The following SLC8A1 variants were observed in gnomAD, a reference collection of about 807,000 sequenced individuals.
SLC8A1 encodes sodium/calcium exchanger 1.
SLC8A1 carries 18 observed loss-of-function variants against 68.3 expected under a neutral mutation model. The ratio of observed to expected loss-of-function variants is 0.26; its 90% CI spans 0.18 to 0.39. The LOEUF (loss-of-function observed/expected upper bound fraction) is 0.39, where lower values mean the gene tolerates loss of function less well. Among genes scored for constraint, SLC8A1 ranks in the 10% least tolerant of loss-of-function variants. SLC8A1 has a pLI of 1.00. For missense variants in SLC8A1, 985 were observed against 1,156.7 expected (o/e 0.85, Z 2.15); for synonymous variants, 475 against 415.5 (o/e 1.14, Z -1.74).
chr2:40,328,512 A>C (rs941211927), intron 2 of SLC8A1, among the ~76,000 whole-genome samples: 33 of 152,242 alleles, frequency 2.2e-4, no homozygotes, highest in Middle Eastern at 6.8e-3. Context: ...CTGATGACTT[A>C]GCTCTTGTCA....
chr2:40,104,536 A>G (rs1382471605), exon 8 of SLC8A1: 1 of 152,188 alleles, frequency 6.6e-6, no homozygotes, highest in Non-Finnish European at 1.5e-5. Context: ...ATAGGTTTCA[A>G]AATGGCCCCA....
chr2:40,382,085 C>A (rs911683527), intron 2 of SLC8A1, among the ~76,000 whole-genome samples: 10 of 152,014 alleles, frequency 6.6e-5, no homozygotes, highest in African/African-American at 2.4e-4. Flanking sequence ...CTAACCAGAA[C>A]CCCTGGCATT....
At chr2:40,259,276 T>C (rs1290647353) in intron 2 of SLC8A1, among the ~76,000 whole-genome samples, 2 of 152,332 alleles carry the variant, frequency 1.3e-5, no homozygotes, top group South Asian at 4.1e-4. Flanking sequence ...TTACAAATAC[T>C]TGGCTGCTGA....
At chr2:40,482,952 G>A (rs1002373856) in intron 1 of SLC8A1, among the ~76,000 whole-genome samples, 3 of 146,644 alleles carry the variant, frequency 2.0e-5, no homozygotes, top group Non-Finnish European at 3.0e-5. Context: ...CACCACGCCC[G>A]GCTTTTTTTT....
At chr2:40,464,561 C>G (rs760543990) in intron 1 of SLC8A1, among the ~76,000 whole-genome samples, 1 of 152,194 alleles carries the variant, frequency 6.6e-6, no homozygotes, top group East Asian at 1.9e-4. Flanking sequence ...GTTTCCCAAT[C>G]TTAGCTTCCA....
chr2:40,222,147 G>T (rs888928314), intron 2 of SLC8A1, among the ~76,000 whole-genome samples: 1 of 152,092 alleles, frequency 6.6e-6, no homozygotes, highest in African/African-American at 2.4e-5. Context: ...AACAAAAACA[G>T]CATGGTACTG....
At chr2:40,117,439 C>T (rs1039457891) in intron 7 of SLC8A1, among the ~76,000 whole-genome samples, 9 of 145,068 alleles carry the variant, frequency 6.2e-5, no homozygotes, top group Non-Finnish European at 1.3e-4. Context: ...GTGGTACACA[C>T]CTGTAATCCC....
chr2:40,165,912 A>G (rs2046473963), intron 4 of SLC8A1, among the ~76,000 whole-genome samples: 1 of 152,192 alleles, frequency 6.6e-6, no homozygotes, highest in African/African-American at 2.4e-5. Context: ...CTTATCCTTT[A>G]GGCCCAGAAT....
intron 4 of SLC8A1, among the ~76,000 whole-genome samples, chr2:40,167,270 G>T (rs996821477): frequency 2.0e-5 from 3 of 152,176 alleles, no homozygotes; most frequent in Admixed American, 6.5e-5. Context: ...TACCTTTTAA[G>T]ATAGGTAGTC....
At chr2:40,369,381 C>T (rs1188693919) in intron 2 of SLC8A1, among the ~76,000 whole-genome samples, 9 of 151,996 alleles carry the variant, frequency 5.9e-5, no homozygotes, top group South Asian at 2.1e-4. Context: ...AAACCATTAG[C>T]GGAATACATA....
chr2:40,296,440 A>G (rs1037004659), intron 2 of SLC8A1, among the ~76,000 whole-genome samples: 1 of 152,218 alleles, frequency 6.6e-6, no homozygotes, highest in African/African-American at 2.4e-5. Context: ...TCTATATAGA[A>G]GGCTAAAAAC....
chr2:40,122,184 T>C (rs1206828770), intron 7 of SLC8A1, among the ~76,000 whole-genome samples: 1 of 150,988 alleles, frequency 6.6e-6, no homozygotes, highest in Non-Finnish European at 1.5e-5. Flanking sequence ...TCTCTTTCTC[T>C]CTCACAAGTG....
At chr2:40,103,226 T>C (rs974545243) in exon 8 of SLC8A1, 1 of 152,226 alleles carries the variant, frequency 6.6e-6, no homozygotes, top group African/African-American at 2.4e-5. Flanking sequence ...CAGAGTTCAC[T>C]ATGGTTGCTT....
At chr2:40,273,515 GA>G (rs1027224505) in intron 2 of SLC8A1, among the ~76,000 whole-genome samples, 2 of 152,186 alleles carry the variant, frequency 1.3e-5, no homozygotes, top group Non-Finnish European at 2.9e-5. Flanking sequence ...TAATTTGGGA[GA>G]AAAAAGCTTG....
At chr2:40,427,116 C>T (rs963983355) in intron 2 of SLC8A1, among the ~76,000 whole-genome samples, 3 of 152,034 alleles carry the variant, frequency 2.0e-5, no homozygotes, top group Non-Finnish European at 4.4e-5. Flanking sequence ...CTACAAACAT[C>T]AGAAGATGGA....
At chr2:40,238,135 A>C (rs1332768886) in intron 2 of SLC8A1, among the ~76,000 whole-genome samples, 1 of 152,222 alleles carries the variant, frequency 6.6e-6, no homozygotes, top group East Asian at 1.9e-4. Flanking sequence ...GACTCCACCC[A>C]GTTCGAGCTT....
intron 2 of SLC8A1, among the ~76,000 whole-genome samples, chr2:40,193,357 A>G (rs373857): frequency 0.5 from 75,977 of 151,896 alleles, 19,852 homozygotes; most frequent in Non-Finnish European, 0.58. Flanking sequence ...CACATTAGGC[A>G]TTGGGGATAA....
chr2:40,430,349 C>A, intron 1 of SLC8A1, 45 bp from the exon 2 acceptor site: 2 of 1,506,154 alleles, frequency 1.3e-6, no homozygotes, highest in South Asian at 1.3e-5. Flanking sequence ...AAAGTCATGT[C>A]ATTAGAGCTG....
At chr2:40,334,395 G>A (rs1346899510) in intron 2 of SLC8A1, among the ~76,000 whole-genome samples, 3 of 152,174 alleles carry the variant, frequency 2.0e-5, no homozygotes, top group African/African-American at 7.2e-5. Flanking sequence ...CTTAAGTGTA[G>A]TTTAAGGCCA....
Sources: gnomAD v4.1 joint callset for allele counts (sites outside exome capture counted in the v4.1 genomes callset) on GRCh38, gnomAD v4.1.1 for gene constraint, MANE v1.5 for transcripts, NCBI Gene and HGNC (gene_info 2026-07-23, HGNC 2026-07-21) for gene names.